The following CGGBP1 variants were observed in gnomAD, a reference collection of about 807,000 sequenced individuals.
CGGBP1 encodes CGG triplet repeat-binding protein 1.
Under a neutral mutation model 11.4 loss-of-function variants are expected in CGGBP1, and 4 were observed. That is an observed-to-expected ratio of 0.35 (90% CI 0.17 to 0.80). The LOEUF is 0.80. Ranked by LOEUF, CGGBP1 falls within the 30% of genes least tolerant of loss-of-function variation. The pLI, the probability that CGGBP1 is intolerant of heterozygous loss-of-function variation, is 0.52. For synonymous variants in CGGBP1, 76 were observed against 74.1 expected (o/e 1.03, Z -0.13); for missense variants, 135 against 202.1 (o/e 0.67, Z 2.01).
intron 2 of CGGBP1, among the ~76,000 whole-genome samples, chr3:88,138,101 C>T (rs1335366438): frequency 1.3e-5 from 2 of 152,040 alleles, no homozygotes; most frequent in Non-Finnish European, 2.9e-5. Context: ...TTCCAGGGGG[C>T]TCATTATTCT....
At chr3:88,130,592 A>C (rs1706393607) in intron 2 of CGGBP1, among the ~76,000 whole-genome samples, 1 of 149,284 alleles carries the variant, frequency 6.7e-6, no homozygotes, top group South Asian at 2.1e-4. Context: ...CTGGGACTAC[A>C]GATGTGTGCA....
rs535127422 is a variant in CGGBP1 at position 88,111,621 on chromosome 3, T to C, written c.-229+29349A>G. The stretch of plus-strand genomic sequence containing the variant: ...TGGTAGACATTCTGAATATTTCCAG[T>C]TTTTTGCTTCTATAAACCATTTGTA... On this transcript the variant is annotated intron_variant, in intron 2 of 3. Transcript: ENST00000462901. Among the ~76,000 whole-genome samples the C allele has an allele frequency of 6.6e-5, 10 of 152,126 alleles. No homozygotes were observed. In the East Asian group the frequency reaches 1.9e-3, roughly 29 times the overall value.
intron 2 of CGGBP1, among the ~76,000 whole-genome samples, chr3:88,092,360 A>T (rs1339767950): frequency 6.6e-6 from 1 of 152,228 alleles, no homozygotes; most frequent in Admixed American, 6.5e-5. Flanking sequence ...GAGCTAAGAG[A>T]TATTATATTA....
chr3:88,128,445 TAAGA>T (rs1050263855), intron 2 of CGGBP1, among the ~76,000 whole-genome samples: 2 of 152,074 alleles, frequency 1.3e-5, no homozygotes, highest in African/African-American at 4.8e-5. Context: ...TATTGAGCAG[TAAGA>T]AGATAAAGTA....
rs536492059 is a variant in CGGBP1, at chr3:88,121,111, A to G, written c.-229+19859T>C. On this transcript the variant is annotated intron_variant, in intron 2 of 3. Coordinates refer to the CGGBP1 transcript ENST00000462901. ...GAACTTAAAGTAAAATAAATAATAA[A>G]TCCAAACAAAGATGAGCAAAATAAA... 2.0e-5 allele frequency among the ~76,000 whole-genome samples: 3 copies of G among 151,886 alleles called. No individual in the cohort carries two copies. In the South Asian group the frequency reaches 6.2e-4, roughly 32 times the overall value.
chr3:88,084,660 G>A (rs2107656639), intron 2 of CGGBP1, among the ~76,000 whole-genome samples: 1 of 152,314 alleles, frequency 6.6e-6, no homozygotes, highest in Admixed American at 6.5e-5. Context: ...GTCAAGAACT[G>A]TGAAGAGTGA....
At position 88,064,409 on chromosome 3, in the gene CGGBP1, T is replaced by C. The variant is rs543377801; in HGVS notation, c.-228-6186A>G. Among the ~76,000 whole-genome samples the C allele has an allele frequency of 5.2e-4, 79 of 152,346 alleles. No homozygotes were observed. The Middle Eastern group carries it at 0.024, about 46-fold the overall frequency. On this transcript the variant is annotated intron_variant, in intron 2 of 3. Transcript: ENST00000462901. ...TATCCCTTTCCTTCCTGCTACCCTCTTTGTGTCCAAATGTTCAGTGTCTTC... is the reference window on the plus strand; with the variant it reads ...TATCCCTTTCCTTCCTGCTACCCTCCTTGTGTCCAAATGTTCAGTGTCTTC...
intron 2 of CGGBP1, among the ~76,000 whole-genome samples, chr3:88,116,931 C>T (rs1358842464): frequency 2.6e-5 from 4 of 152,028 alleles, no homozygotes; most frequent in Non-Finnish European, 4.4e-5. Flanking sequence ...GTAAAGATGA[C>T]TAAAGAGGAT....
upstream of CGGBP1, chr3:88,059,207 G>A (rs1263979325): frequency 1.4e-6 from 2 of 1,469,362 alleles, no homozygotes; most frequent in East Asian, 2.5e-5. Flanking sequence ...GCCCCTGTCC[G>A]GCTAGGGAGG....
At chr3:88,129,735 G>A (rs1706335440) in intron 2 of CGGBP1, 1 of 1,528,006 alleles carries the variant, frequency 6.5e-7, no homozygotes, top group Non-Finnish European at 8.8e-7. Context: ...CATCTGTAAT[G>A]CTGAAAAAGA....
chr3:88,089,783 A>G (rs1328495992), intron 2 of CGGBP1, among the ~76,000 whole-genome samples: 1 of 152,188 alleles, frequency 6.6e-6, no homozygotes, highest in East Asian at 1.9e-4. Context: ...TTATGTTCCT[A>G]CTGCTTAGAT....
intron 1 of CGGBP1, among the ~76,000 whole-genome samples, chr3:88,141,229 G>A (rs1310346474): frequency 6.6e-6 from 1 of 152,062 alleles, no homozygotes; most frequent in Non-Finnish European, 1.5e-5. Flanking sequence ...TAATATTCCT[G>A]TTTTATAGAT....
At chr3:88,075,668 G>A (rs1048644168) in intron 2 of CGGBP1, among the ~76,000 whole-genome samples, 2 of 152,162 alleles carry the variant, frequency 1.3e-5, no homozygotes, top group African/African-American at 4.8e-5. Context: ...TTCAGCAATA[G>A]TAGGATATGT....
chr3:88,090,993 T>C (rs1292339913), intron 2 of CGGBP1, among the ~76,000 whole-genome samples: 1 of 152,264 alleles, frequency 6.6e-6, no homozygotes, highest in East Asian at 1.9e-4. Context: ...GCTATATTTT[T>C]ACTTACTTTT....
chr3:88,110,878 G>GT (rs1333543139), intron 2 of CGGBP1, among the ~76,000 whole-genome samples: 2 of 152,024 alleles, frequency 1.3e-5, no homozygotes, highest in African/African-American at 4.8e-5. Context: ...GGTTTGATGT[G>GT]TTTTGCCTTT....
intron 2 of CGGBP1, among the ~76,000 whole-genome samples, chr3:88,134,068 A>G (rs554739409): frequency 6.6e-6 from 1 of 151,904 alleles, no homozygotes; most frequent in Non-Finnish European, 1.5e-5. Context: ...GTAGGAAGGT[A>G]TGAAACCTTG....
chr3:88,113,670 C>G (rs1705224789), intron 2 of CGGBP1, among the ~76,000 whole-genome samples: 1 of 152,088 alleles, frequency 6.6e-6, no homozygotes, highest in Non-Finnish European at 1.5e-5. Context: ...GTCAAGACCT[C>G]TCCTGTAGAT....
intron 1 of CGGBP1, chr3:88,141,207 A>G: frequency 1.3e-6 from 1 of 788,026 alleles, no homozygotes. Flanking sequence ...TACAACCACT[A>G]TGAGGTGATA....
chr3:88,139,417 A>C, intron 2 of CGGBP1: 1 of 1,613,872 alleles, frequency 6.2e-7, no homozygotes, highest in Non-Finnish European at 8.5e-7. Context: ...AAATTTAGAA[A>C]CAGAGGACTT....
Sources: gnomAD v4.1 joint callset for allele counts (sites outside exome capture counted in the v4.1 genomes callset) on GRCh38, gnomAD v4.1.1 for gene constraint, MANE v1.5 for transcripts, NCBI Gene and HGNC (gene_info 2026-07-23, HGNC 2026-07-21) for gene names.